The following RPF2 variants were observed in gnomAD, a reference collection of about 807,000 sequenced individuals.
The protein encoded by RPF2 is ribosome production factor 2 homolog.
Under a neutral mutation model 38.9 loss-of-function variants are expected in RPF2, and 21 were observed. The ratio of observed to expected loss-of-function variants is 0.54; its 90% CI spans 0.38 to 0.78. The LOEUF is 0.78. Among genes scored for constraint, RPF2 ranks in the 30% least tolerant of loss-of-function variants. The pLI is 0.00. For missense variants in RPF2, 314 were observed against 358.1 expected, an observed-to-expected ratio of 0.88 and a Z score of 0.99; for synonymous variants, 121 against 126.2, an observed-to-expected ratio of 0.96 and a Z score of 0.28.
At chr6:111,001,421 A>G (rs1011734371) in intron 6 of RPF2, among the ~76,000 whole-genome samples, 7 of 151,580 alleles carry the variant, frequency 4.6e-5, no homozygotes, top group African/African-American at 1.7e-4. Context: ...TCTGTCACCC[A>G]GGCTGGGGCG....
chr6:111,005,329 T>G (rs1356381833), intron 6 of RPF2, among the ~76,000 whole-genome samples: 2 of 152,170 alleles, frequency 1.3e-5, no homozygotes, highest in Non-Finnish European at 2.9e-5. Context: ...TGATTTTTGG[T>G]CAGAACAGAG....
chr6:111,010,028 C>G (rs1771984837), intron 7 of RPF2, among the ~76,000 whole-genome samples: 1 of 151,954 alleles, frequency 6.6e-6, no homozygotes, highest in South Asian at 2.1e-4. Flanking sequence ...TATTTGCCAG[C>G]TCTTTTATAA....
intron 2 of RPF2, among the ~76,000 whole-genome samples, chr6:110,986,956 A>G (rs1370093472): frequency 1.4e-5 from 2 of 140,840 alleles, no homozygotes; most frequent in South Asian, 2.2e-4. Context: ...GACTCCAACT[A>G]AAAAAAAAAA....
At chr6:111,024,401 T>C in intron 9 of RPF2, 74 bp downstream of exon 9, 1 of 1,424,124 alleles carries the variant, frequency 7.0e-7, no homozygotes, top group South Asian at 1.4e-5. Flanking sequence ...CAAAAAGAAT[T>C]TGTGGCATAT....
At chr6:111,007,973 A>G (rs1409239129) in intron 6 of RPF2, 65 bp from the exon 7 acceptor site, 1 of 1,448,562 alleles carries the variant, frequency 6.9e-7, no homozygotes, top group Non-Finnish European at 9.1e-7. Flanking sequence ...AATAAAAAAC[A>G]AAATCAATAT....
chr6:110,995,357 T>C (rs1001001432), intron 4 of RPF2, among the ~76,000 whole-genome samples: 4 of 152,216 alleles, frequency 2.6e-5, no homozygotes, highest in Non-Finnish European at 4.4e-5. Context: ...GAAAAGATTA[T>C]TTGTCCAGAT....
intron 3 of RPF2, among the ~76,000 whole-genome samples, chr6:110,989,984 G>A (rs1301390150): frequency 1.3e-5 from 2 of 149,480 alleles, no homozygotes; most frequent in African/African-American, 4.9e-5. Context: ...TGTTGCCCAG[G>A]CTGGAGTGCA....
intron 6 of RPF2, among the ~76,000 whole-genome samples, chr6:111,003,819 T>A (rs529215360): frequency 6.6e-6 from 1 of 152,158 alleles, no homozygotes; most frequent in East Asian, 1.9e-4. Context: ...TGAGGCCTCA[T>A]GTCTCCCCCA....
intron 1 of RPF2, among the ~76,000 whole-genome samples, chr6:110,984,434 G>A (rs920405068): frequency 3.9e-5 from 6 of 152,042 alleles, no homozygotes; most frequent in Non-Finnish European, 8.8e-5. Flanking sequence ...AGATTGGAAA[G>A]AGCAGTAATA....
intron 4 of RPF2, among the ~76,000 whole-genome samples, chr6:110,994,196 A>G (rs1272942384): frequency 6.6e-6 from 1 of 151,658 alleles, no homozygotes; most frequent in Non-Finnish European, 1.5e-5. Context: ...AATCACTTGA[A>G]CCCGGGAGGT....
intron 4 of RPF2, among the ~76,000 whole-genome samples, chr6:110,995,808 ATC>A (rs1356311385): frequency 6.6e-6 from 1 of 151,848 alleles, no homozygotes; most frequent in Non-Finnish European, 1.5e-5. Context: ...AATGGATAAG[ATC>A]TCTCTCTTTC....
chr6:111,008,221 G>T, intron 7 of RPF2, 84 bp downstream of exon 7: 1 of 1,395,980 alleles, frequency 7.2e-7, no homozygotes, highest in Non-Finnish European at 9.4e-7. Flanking sequence ...GCTACTTTAG[G>T]TTTGTAACTT....
chr6:110,997,184 A>G lies in RPF2; in HGVS notation c.236A>G (p.Glu79Gly), dbSNP rs772895987. The G allele has an allele frequency of 6.3e-7, 1 of 1,576,372 alleles. No homozygotes were observed. ...TRPFEDQTSL[E>G]FFSKKSDCSL... is the part of the protein sequence containing the mutation. ...AATGGGATTTATTTGGTTTTATAGG[A>G]ATTCTTTTCAAAGAAGTCAGATTGT... Residue 79 changes from glutamate (E) to glycine (G), a missense_variant and splice_region_variant, in exon 5 of 10, where the codon GAA becomes GGA. Glu to Gly is a moderately conservative substitution (Grantham distance 98). Transcript: ENST00000441448.
In RPF2 at chr6:111,025,734, AT is replaced by A. The variant is rs1772317276; in HGVS notation, c.*154del. ...TTATTATGAACAGTAATATACTAGT[AT>A]TAAGTGTAAAGTAAGCCTTTTATTT... On this transcript the variant is annotated 3_prime_UTR_variant, in exon 10 of 10. Transcript: ENST00000441448. 1.8e-6 allele frequency: 1 copy of A among 563,802 alleles called. No homozygotes were observed. Among genetic ancestry groups the A allele is most frequent in the African/African-American group, 1.9e-5 (1 of 53,042 alleles). The allele number at this position is 563,802 out of a possible 1,614,324, so 34.9% of individuals were successfully genotyped here.
chr6:110,989,611 G>C (rs1771583807), intron 3 of RPF2, among the ~76,000 whole-genome samples: 1 of 150,554 alleles, frequency 6.6e-6, no homozygotes, highest in Admixed American at 6.6e-5. Flanking sequence ...CACCACGCCT[G>C]GCTAATTTTT....
At chr6:111,012,826 T>C (rs886129759) in intron 7 of RPF2, among the ~76,000 whole-genome samples, 1 of 152,074 alleles carries the variant, frequency 6.6e-6, no homozygotes, top group African/African-American at 2.4e-5. Flanking sequence ...TTCACCACCA[T>C]GCCTGGATAA....
At chr6:110,994,565 A>G (rs1771674889) in intron 4 of RPF2, among the ~76,000 whole-genome samples, 2 of 152,062 alleles carry the variant, frequency 1.3e-5, no homozygotes. Context: ...TAGCCTGGGC[A>G]ACAGAGTGAG....
At chr6:110,985,235 G>C (rs1416790729) in intron 2 of RPF2, 97 bp downstream of exon 2, 2 of 1,088,918 alleles carry the variant, frequency 1.8e-6, no homozygotes, top group East Asian at 5.0e-5. Flanking sequence ...AGATAAGCTT[G>C]CCTTACCATA....
intron 4 of RPF2, among the ~76,000 whole-genome samples, chr6:110,993,214 G>A (rs1771649900): frequency 6.6e-6 from 1 of 151,856 alleles, no homozygotes; most frequent in Admixed American, 6.6e-5. Context: ...TAAAGTACTG[G>A]GATTATGGGT....
Sources: gnomAD v4.1 joint callset for allele counts (sites outside exome capture counted in the v4.1 genomes callset) on GRCh38, gnomAD v4.1.1 for gene constraint, MANE v1.5 for transcripts, NCBI Gene and HGNC (gene_info 2026-07-23, HGNC 2026-07-21) for gene names.